Variants in NCKAP5 observed in about 807,000 individuals in gnomAD.
NCKAP5 encodes the protein NCK associated protein 5.
A neutral mutation model predicts 167.0 loss-of-function variants in NCKAP5; 92 were observed. The observed-to-expected ratio is 0.55, with a 90% CI of 0.47 to 0.66. The LOEUF (loss-of-function observed/expected upper bound fraction) is 0.66, where lower values mean the gene tolerates loss of function less well. Among genes scored for constraint, NCKAP5 ranks in the 30% least tolerant of loss-of-function variants. NCKAP5 has a pLI of 0.00. For missense variants in NCKAP5, 2,378 were observed against 2,315.0 expected, an observed-to-expected ratio of 1.03 and a Z score of -0.56; for synonymous variants, 891 against 877.4, an observed-to-expected ratio of 1.02 and a Z score of -0.27.
intron 3 of NCKAP5, among the ~76,000 whole-genome samples, chr2:133,363,236 T>C (rs985737236): frequency 6.6e-6 from 1 of 152,174 alleles, no homozygotes; most frequent in African/African-American, 2.4e-5. Flanking sequence ...TCTGAGTAAC[T>C]CTTTACCACT....
chr2:133,230,837 T>A (rs1328556449), intron 4 of NCKAP5, among the ~76,000 whole-genome samples: 1 of 152,216 alleles, frequency 6.6e-6, no homozygotes, highest in Non-Finnish European at 1.5e-5. Flanking sequence ...TATCTCTTTG[T>A]TTTTACAGGT....
chr2:133,547,011 G>C lies in NCKAP5; in HGVS notation c.-62+12039C>G, dbSNP rs568406284. On this transcript the variant is annotated intron_variant, in intron 2 of 19. Coordinates refer to ENST00000409261, the MANE Select transcript of NCKAP5 (RefSeq NM_207363.3). ...AGTGCCAGACAGTGGGCGCAGGCCA[G>C]TGGGTGCGCGCACCGTGCGCGAGCT... is the stretch of plus-strand genomic sequence containing the variant. Among the ~76,000 whole-genome samples the C allele has an allele frequency of 4.5e-3, 687 of 152,300 alleles. 6 individuals are homozygous for C. The highest frequency in any genetic ancestry group is 0.02 in the Middle Eastern group (6 of 294).
chr2:133,134,380 T>G (rs1454253294), intron 5 of NCKAP5, among the ~76,000 whole-genome samples: 23 of 152,214 alleles, frequency 1.5e-4, no homozygotes, highest in Admixed American at 1.4e-3. Flanking sequence ...TACCTTTTTG[T>G]TTTTAGTGTG....
chr2:133,372,251 A>G (rs557625638), intron 3 of NCKAP5, among the ~76,000 whole-genome samples: 1 of 152,316 alleles, frequency 6.6e-6, no homozygotes, highest in South Asian at 2.1e-4. Flanking sequence ...TTTGGGGTCA[A>G]TGAGGAGACT....
At chr2:133,512,026 G>T (rs1683541595) in intron 3 of NCKAP5, among the ~76,000 whole-genome samples, 1 of 152,138 alleles carries the variant, frequency 6.6e-6, no homozygotes, top group Admixed American at 6.5e-5. Context: ...GTAAGAGGAG[G>T]TCTAACAAGA....
At chr2:132,829,603 GA>G (rs1687376933) in intron 11 of NCKAP5, among the ~76,000 whole-genome samples, 1 of 152,092 alleles carries the variant, frequency 6.6e-6, no homozygotes, top group Admixed American at 6.6e-5. Context: ...ACCCTTTACA[GA>G]AATAAATGCT....
At chr2:132,728,561 A>T (rs1294803592) in intron 18 of NCKAP5, among the ~76,000 whole-genome samples, 1 of 152,122 alleles carries the variant, frequency 6.6e-6, no homozygotes, top group Admixed American at 6.5e-5. Flanking sequence ...TAATCAGGGG[A>T]GTGCATCCAT....
intron 8 of NCKAP5, among the ~76,000 whole-genome samples, chr2:132,950,080 T>C (rs575620041): frequency 6.6e-6 from 1 of 152,188 alleles, no homozygotes; most frequent in Admixed American, 6.5e-5. Context: ...GGTGACAGGG[T>C]GAAACTCCTT....
intron 19 of NCKAP5, among the ~76,000 whole-genome samples, chr2:132,704,771 C>T (rs193203754): frequency 1.5e-4 from 23 of 152,330 alleles, no homozygotes; most frequent in Admixed American, 5.9e-4. Context: ...CTGTGTACCA[C>T]TAACAAAACC....
chr2:132,902,101 A>G (rs1417139767), intron 8 of NCKAP5, among the ~76,000 whole-genome samples: 1 of 152,230 alleles, frequency 6.6e-6, no homozygotes, highest in Non-Finnish European at 1.5e-5. Flanking sequence ...AATCACCATG[A>G]TAATAAACCC....
At chr2:133,454,660 T>C (rs1481033474) in intron 3 of NCKAP5, among the ~76,000 whole-genome samples, 2 of 152,096 alleles carry the variant, frequency 1.3e-5, no homozygotes, top group Non-Finnish European at 2.9e-5. Context: ...ATCATACAAA[T>C]GAAGCACAGT....
intron 3 of NCKAP5, among the ~76,000 whole-genome samples, chr2:133,341,759 C>T (rs1393363253): frequency 6.6e-6 from 1 of 152,146 alleles, no homozygotes; most frequent in East Asian, 1.9e-4. Context: ...TTGTCAACTC[C>T]TATCTTTCCT....
chr2:133,322,234 T>C (rs1019060616), intron 3 of NCKAP5, among the ~76,000 whole-genome samples: 8 of 152,050 alleles, frequency 5.3e-5, no homozygotes, highest in African/African-American at 1.2e-4. Context: ...ACTATGCAAA[T>C]AGTACTTTGC....
At chr2:132,937,451 T>G (rs1696939796) in intron 8 of NCKAP5, among the ~76,000 whole-genome samples, 4 of 152,212 alleles carry the variant, frequency 2.6e-5, no homozygotes. Flanking sequence ...GGAAAGGAGA[T>G]TTGAAGAGTC....
intron 2 of NCKAP5, among the ~76,000 whole-genome samples, chr2:133,520,610 A>T (rs1255854146): frequency 1.3e-5 from 2 of 152,176 alleles, no homozygotes; most frequent in Admixed American, 6.5e-5. Flanking sequence ...AACTCATTAA[A>T]AGCAACTCTA....
At chr2:132,920,671 ATATATATAAGTTAGTT>A (rs1273387634) in intron 8 of NCKAP5, among the ~76,000 whole-genome samples, 1 of 134,788 alleles carries the variant, frequency 7.4e-6, no homozygotes, top group African/African-American at 2.9e-5. Flanking sequence ...ATATATATAT[ATATATATAAGTTAGTT>A]TATATATATA....
intron 16 of NCKAP5, among the ~76,000 whole-genome samples, chr2:132,738,580 C>T (rs1054128175): frequency 5.9e-5 from 9 of 152,162 alleles, no homozygotes; most frequent in Non-Finnish European, 1.2e-4. Flanking sequence ...AAGTGAGTTG[C>T]CCTCTTTTAA....
intron 19 of NCKAP5, among the ~76,000 whole-genome samples, chr2:132,708,328 A>G (rs1688549572): frequency 6.6e-6 from 1 of 152,092 alleles, no homozygotes. Context: ...AGGGGAGCCA[A>G]CTGCGCTCGA....
At chr2:133,038,058 A>G (rs1258064184) in intron 6 of NCKAP5, among the ~76,000 whole-genome samples, 2 of 152,200 alleles carry the variant, frequency 1.3e-5, no homozygotes, top group African/African-American at 2.4e-5. Context: ...AATAGTTTAG[A>G]GATGCCTCAA....
Sources: allele counts gnomAD v4.1 joint callset (sites outside exome capture counted in the v4.1 genomes callset), GRCh38; gene constraint gnomAD v4.1.1; transcripts MANE v1.5; gene names NCBI Gene and HGNC (gene_info 2026-07-23, HGNC 2026-07-21).